The following RAD51B variants were observed in gnomAD, a reference collection of about 807,000 sequenced individuals.
The protein encoded by RAD51B is DNA repair protein RAD51 homolog 2.
A neutral mutation model predicts 42.2 loss-of-function variants in RAD51B; 38 were observed. That is an observed-to-expected ratio of 0.90 (90% CI 0.70 to 1.18). RAD51B has a LOEUF of 1.18. Among genes scored for constraint, RAD51B ranks in the 50% most tolerant of loss-of-function variants. RAD51B has a pLI of 0.00. For missense variants in RAD51B, 373 were observed against 400.7 expected (o/e 0.93, Z 0.59); for synonymous variants, 154 against 145.2 (o/e 1.06, Z -0.43).
At chr14:68,461,999 C>G (rs1300346305) in intron 9 of RAD51B, among the ~76,000 whole-genome samples, 8 of 152,146 alleles carry the variant, frequency 5.3e-5, no homozygotes, top group Admixed American at 5.2e-4. Context: ...TCTAGGAGCC[C>G]TCAGCTGAAA....
chr14:67,967,936 A>G (rs2140244177), intron 7 of RAD51B, among the ~76,000 whole-genome samples: 1 of 152,326 alleles, frequency 6.6e-6, no homozygotes, highest in Admixed American at 6.5e-5. Context: ...ATTCTCCGTG[A>G]GGGCCCTGCT....
intron 9 of RAD51B, among the ~76,000 whole-genome samples, chr14:68,440,115 G>T (rs911597593): frequency 6.6e-6 from 1 of 151,678 alleles, no homozygotes; most frequent in African/African-American, 2.4e-5. Flanking sequence ...CTCTTCTTTT[G>T]GCCTTATTTG....
At chr14:68,084,465 T>G (rs972776003) in intron 7 of RAD51B, among the ~76,000 whole-genome samples, 1 of 152,188 alleles carries the variant, frequency 6.6e-6, no homozygotes, top group Non-Finnish European at 1.5e-5. Context: ...TAGATGCCAG[T>G]AGCAGCACTC....
At chr14:68,386,564 C>A (rs1290949997) in intron 8 of RAD51B, among the ~76,000 whole-genome samples, 1 of 152,194 alleles carries the variant, frequency 6.6e-6, no homozygotes, top group Non-Finnish European at 1.5e-5. Context: ...ATTTTAGCAG[C>A]AGGGGATGAT....
At chr14:68,279,830 C>T (rs1235321085) in intron 7 of RAD51B, among the ~76,000 whole-genome samples, 1 of 152,122 alleles carries the variant, frequency 6.6e-6, no homozygotes, top group Non-Finnish European at 1.5e-5. Flanking sequence ...ACTATCATCA[C>T]GTATATTTAA....
rs1294585189 is a variant in RAD51B at position 68,565,643 on chromosome 14, C to A, written c.1037-28842C>A. ...GAGCAGGCAGAGAAAGAGAGCTAAT[C>A]TCCTTTACCCCATCCTTGCTGCTGT... On this transcript the variant is annotated intron_variant, in intron 10 of 10. Transcript: ENST00000487270. The surrounding 1 kb of genome is among the most constrained non-coding windows in gnomAD (Gnocchi z 4.1). Among the ~76,000 whole-genome samples, 1 of 152,230 alleles carries A rather than the reference C, an allele frequency of 6.6e-6. No homozygotes were observed. The highest frequency in any genetic ancestry group is 1.5e-5 in the Non-Finnish European group (1 of 68,046).
downstream of RAD51B, among the ~76,000 whole-genome samples, chr14:68,482,685 A>G (rs1293505846): frequency 6.6e-6 from 1 of 152,196 alleles, no homozygotes; most frequent in Non-Finnish European, 1.5e-5. Flanking sequence ...CTTCTTTTGC[A>G]CAAATGGAGG....
chr14:67,995,763 G>C (rs1237429091), intron 7 of RAD51B, among the ~76,000 whole-genome samples: 1 of 151,676 alleles, frequency 6.6e-6, no homozygotes. Context: ...GACTACAGGC[G>C]CCCGCCACCA....
chr14:68,175,093 A>G (rs970137377), intron 7 of RAD51B, among the ~76,000 whole-genome samples: 1 of 152,202 alleles, frequency 6.6e-6, no homozygotes, highest in Non-Finnish European at 1.5e-5. Context: ...CAACAGATTG[A>G]TTCCATTGAT....
intron 10 of RAD51B, chr14:68,540,400 G>T (rs1887899024): frequency 1.0e-6 from 1 of 985,068 alleles, no homozygotes; most frequent in Non-Finnish European, 1.2e-6. Context: ...CATTACATAT[G>T]ACTTATTCAG....
At chr14:68,431,193 G>A (rs1000913646) in intron 9 of RAD51B, among the ~76,000 whole-genome samples, 14 of 152,196 alleles carry the variant, frequency 9.2e-5, no homozygotes, top group Admixed American at 7.9e-4. Flanking sequence ...GTTCATCAGG[G>A]ATATTGGTCT....
At chr14:67,925,669 C>A (rs183931364) in intron 7 of RAD51B, among the ~76,000 whole-genome samples, 1 of 152,152 alleles carries the variant, frequency 6.6e-6, no homozygotes, top group Non-Finnish European at 1.5e-5. Flanking sequence ...GGCTCTGACT[C>A]CACATTTCCT....
At chr14:68,025,806 A>G (rs907932903) in intron 7 of RAD51B, among the ~76,000 whole-genome samples, 3 of 152,036 alleles carry the variant, frequency 2.0e-5, no homozygotes, top group Admixed American at 6.5e-5. Flanking sequence ...GATTCTTTCA[A>G]AGAACCAGCT....
At chr14:68,055,441 A>C (rs35880681) in intron 7 of RAD51B, among the ~76,000 whole-genome samples, 1 of 152,180 alleles carries the variant, frequency 6.6e-6, no homozygotes, top group Non-Finnish European at 1.5e-5. Flanking sequence ...CTCATGTCAT[A>C]TGTAAATCAG....
At chr14:67,998,691 G>A (rs1024573367) in intron 7 of RAD51B, among the ~76,000 whole-genome samples, 1 of 152,144 alleles carries the variant, frequency 6.6e-6, no homozygotes, top group African/African-American at 2.4e-5. Flanking sequence ...CACTACTCTG[G>A]AGCTAGTTCA....
intron 7 of RAD51B, among the ~76,000 whole-genome samples, chr14:68,240,016 G>C (rs1226818962): frequency 6.6e-6 from 1 of 152,194 alleles, no homozygotes; most frequent in Non-Finnish European, 1.5e-5. Flanking sequence ...ATCCACGAAG[G>C]CATCAGAGCT....
chr14:68,082,245 C>G (rs2076923300), intron 7 of RAD51B, among the ~76,000 whole-genome samples: 9 of 152,116 alleles, frequency 5.9e-5, no homozygotes, highest in Admixed American at 5.9e-4. Flanking sequence ...TAGATGTGAG[C>G]CACTGCGCCC....
intron 11 of RAD51B, among the ~76,000 whole-genome samples, chr14:68,665,151 C>T (rs1378160010): frequency 6.6e-6 from 1 of 152,228 alleles, no homozygotes; most frequent in African/African-American, 2.4e-5. Flanking sequence ...ACTTTTAAGG[C>T]TTTTGTTGGC....
chr14:67,857,108 G>A (rs1328226393), intron 4 of RAD51B, among the ~76,000 whole-genome samples: 1 of 151,864 alleles, frequency 6.6e-6, no homozygotes, highest in Non-Finnish European at 1.5e-5. Flanking sequence ...ACTATCTGAA[G>A]CTAAAAATTA....
Sources: gnomAD v4.1 joint callset for allele counts (sites outside exome capture counted in the v4.1 genomes callset) on GRCh38, gnomAD v4.1.1 for gene constraint, Gnocchi (gnomAD v3.1) non-coding constraint, MANE v1.5 for transcripts, NCBI Gene and HGNC (gene_info 2026-07-23, HGNC 2026-07-21) for gene names.